PPP2R1A: variants seen among roughly 807,000 people sequenced by gnomAD.
PPP2R1A encodes serine/threonine-protein phosphatase 2A 65 kDa regulatory subunit A alpha isoform.
A neutral mutation model predicts 67.1 loss-of-function variants in PPP2R1A; 15 were observed. The ratio of observed to expected loss-of-function variants is 0.22; its 90% CI spans 0.15 to 0.34. The LOEUF (loss-of-function observed/expected upper bound fraction) is 0.34, where lower values mean the gene tolerates loss of function less well. PPP2R1A is among the 10% of genes least tolerant of loss of function. PPP2R1A has a pLI of 1.00. For missense variants in PPP2R1A, 369 were observed against 775.0 expected (o/e 0.48, Z 6.22); for synonymous variants, 337 against 325.0 (o/e 1.04, Z -0.40).
In PPP2R1A at chr19:52,213,460, T is replaced by G. The variant is rs1049506205; in HGVS notation, c.807+350T>G. ...CAAAAAGGTGGGGTTTTTTGGTGTTTTTTTTTTTTTTTTTTTTTTTTTTTT... is the reference window on the plus strand; with the variant it reads ...CAAAAAGGTGGGGTTTTTTGGTGTTGTTTTTTTTTTTTTTTTTTTTTTTTT... On this transcript the variant is annotated intron_variant, in intron 6 of 14. Transcript: ENST00000322088. The surrounding 1 kb of genome is among the most constrained non-coding windows in gnomAD (Gnocchi z 4.2). Among the ~76,000 whole-genome samples, 14 of 66,634 alleles carry G rather than the reference T, an allele frequency of 2.1e-4. No individual in the cohort carries two copies. The highest frequency in any genetic ancestry group is 1.3e-4 in the Non-Finnish European group (4 of 31,670). The allele number at this position is 66,634 out of a possible 152,430, so 43.7% of individuals were successfully genotyped here.
At chr19:52,220,597 C>G (rs1200755588) in intron 11 of PPP2R1A, among the ~76,000 whole-genome samples, 1 of 152,066 alleles carries the variant, frequency 6.6e-6, no homozygotes, top group Non-Finnish European at 1.5e-5. Flanking sequence ...TATTCTGGTG[C>G]CTTGGGGCCA....
At position 52,211,157 on chromosome 19, in the gene PPP2R1A, G is replaced by C; in HGVS notation, c.271-103G>C. 3 of 1,135,048 alleles carry C rather than the reference G, an allele frequency of 2.6e-6. No individual in the cohort carries two copies. The highest frequency in any genetic ancestry group is 3.8e-6 in the Non-Finnish European group (3 of 799,488). 70.3% of individuals were successfully genotyped at this position (1,135,048 alleles called of 1,614,324 possible). A position where few individuals can be genotyped will look rare whatever the true frequency, so the allele number is the denominator to read the frequency against. On this transcript the variant is annotated intron_variant, in intron 3 of 14. Coordinates refer to ENST00000322088, the MANE Select transcript of PPP2R1A (RefSeq NM_014225.6). The surrounding 1 kb of genome is among the most constrained non-coding windows in gnomAD (Gnocchi z 5.3). Reference sequence around the variant, plus strand: ...GAAGGTCGGGATGGGTAATAGGGAAGTTTTCTCTGAGGAGATGAGCCCATG... The same window carrying C: ...GAAGGTCGGGATGGGTAATAGGGAACTTTTCTCTGAGGAGATGAGCCCATG...
intron 9 of PPP2R1A, among the ~76,000 whole-genome samples, chr19:52,217,414 G>A (rs1216631062): frequency 6.6e-6 from 1 of 152,152 alleles, no homozygotes; most frequent in African/African-American, 2.4e-5. Flanking sequence ...TGCCCAGGTT[G>A]GTCTTGAACT....
At chr19:52,194,369 TGAGGACTAGAC>T (rs2089480174) in intron 1 of PPP2R1A, among the ~76,000 whole-genome samples, 1 of 151,620 alleles carries the variant, frequency 6.6e-6, no homozygotes, top group African/African-American at 2.4e-5. Context: ...TGGTGGGAGG[TGAGGACTAGAC>T]CAGGACTAGA....
rs375142198 is a variant in PPP2R1A, at chr19:52,190,655, A to G, written c.78+481A>G. 4.2e-4 allele frequency among the ~76,000 whole-genome samples: 64 copies of G among 152,220 alleles called. No individual in the cohort carries two copies. In the East Asian group the frequency reaches 0.01, roughly 24 times the overall value. ...GGGGACCGAGAGGCGAAGGCCTGCC[A>G]TCCTAATTCCTGCTCTTCCTCCGCC... is the stretch of plus-strand genomic sequence containing the variant. On this transcript the variant is annotated intron_variant, in intron 1 of 14. Coordinates refer to ENST00000322088, the MANE Select transcript of PPP2R1A (RefSeq NM_014225.6).
intron 2 of PPP2R1A, among the ~76,000 whole-genome samples, chr19:52,204,686 G>T (rs8107377): frequency 6.6e-6 from 1 of 152,138 alleles, no homozygotes; most frequent in Non-Finnish European, 1.5e-5. Flanking sequence ...TTTTAACTGT[G>T]TGCAGAGGGA....
rs139229358 is a variant in PPP2R1A at position 52,211,445 on chromosome 19, C to T, written c.456C>T (p.Ser152=). ...GCACCTCGGCCTGCGGCCTCTTCTC[C>T]GTCTGCTACCCCCGAGTGTCCAGTG... ...TSRTSACGLF[S]VCYPRVSSAV... is the part of the protein sequence containing the mutation. Residue 152 remains serine (S), a synonymous_variant, in exon 4 of 15, where the codon TCC becomes TCT. Coordinates refer to ENST00000322088, the MANE Select transcript of PPP2R1A (RefSeq NM_014225.6). The surrounding 1 kb of genome is among the most constrained non-coding windows in gnomAD (Gnocchi z 5.3). The T allele has an allele frequency of 4.1e-5, 66 of 1,613,808 alleles. No individual in the cohort carries two copies. The highest frequency in any genetic ancestry group is 3.3e-4 in the African/African-American group (25 of 74,946).
chr19:52,204,131 G>T (rs1156773391), intron 2 of PPP2R1A, among the ~76,000 whole-genome samples: 2 of 152,206 alleles, frequency 1.3e-5, no homozygotes, highest in Non-Finnish European at 2.9e-5. Flanking sequence ...ATTTCAGGCT[G>T]TGGGGAGAGG....
At position 52,219,054 on chromosome 19, in the gene PPP2R1A, G is replaced by A. The variant is rs888817679; in HGVS notation, c.1129-637G>A. Among the ~76,000 whole-genome samples, 1 of 152,178 alleles carries A rather than the reference G, an allele frequency of 6.6e-6. No homozygotes were observed. Among genetic ancestry groups the A allele is most frequent in the African/African-American group, 2.4e-5 (1 of 41,434 alleles). On this transcript the variant is annotated intron_variant, in intron 9 of 14. Transcript: ENST00000322088. This position sits in a 1 kb window ranked among gnomAD's most constrained non-coding sequence, Gnocchi z 4.0. ...TGAAAAAGGCTACCTTTTTACTGGT[G>A]CACCAAAAATAAGTCTTTTTAAATG...
At chr19:52,196,317 C>G (rs953505139) in intron 1 of PPP2R1A, among the ~76,000 whole-genome samples, 1 of 152,192 alleles carries the variant, frequency 6.6e-6, no homozygotes, top group Non-Finnish European at 1.5e-5. Flanking sequence ...TAAGAGTTCT[C>G]TTTATTTCTC....
chr19:52,202,468 A>G (rs1195610216), intron 2 of PPP2R1A, among the ~76,000 whole-genome samples: 2 of 152,232 alleles, frequency 1.3e-5, no homozygotes, highest in African/African-American at 2.4e-5. Context: ...GTGAGGATTG[A>G]GTTCATATAA....
In PPP2R1A at chr19:52,224,487, T is replaced by C. The variant is rs1568600324; in HGVS notation, c.1662-1230T>C. Reference sequence around the variant, plus strand: ...CTCATGGCAGAAATCAAGAGTGATTTAGCTCTGTATTCACTCCTAATACAT... The same window carrying C: ...CTCATGGCAGAAATCAAGAGTGATTCAGCTCTGTATTCACTCCTAATACAT... On this transcript the variant is annotated intron_variant, in intron 13 of 14. Coordinates refer to ENST00000322088, the MANE Select transcript of PPP2R1A (RefSeq NM_014225.6). Among the ~76,000 whole-genome samples the C allele has an allele frequency of 2.0e-5, 3 of 152,318 alleles. No individual in the cohort carries two copies. In the East Asian group the frequency reaches 5.8e-4, roughly 29 times the overall value.
At chr19:52,205,614 G>A (rs2089594030) in intron 2 of PPP2R1A, among the ~76,000 whole-genome samples, 2 of 152,198 alleles carry the variant, frequency 1.3e-5, no homozygotes. Context: ...CATGCTCTGC[G>A]CTTTATACAC....
intron 14 of PPP2R1A, 71 bp downstream of exon 14, chr19:52,225,879 G>C: frequency 6.2e-7 from 1 of 1,612,634 alleles, no homozygotes; most frequent in Non-Finnish European, 8.5e-7. Flanking sequence ...CCTGTGGGCA[G>C]CAGCTTCTGG....
chr19:52,209,831 C>T (rs866594083), intron 3 of PPP2R1A, among the ~76,000 whole-genome samples: 13 of 152,252 alleles, frequency 8.5e-5, no homozygotes, highest in African/African-American at 3.1e-4. Context: ...GCATGTGTTA[C>T]ATGAGACTTC....
rs112567491 is a variant in PPP2R1A at position 52,195,605 on chromosome 19, A to G, written c.78+5431A>G. On this transcript the variant is annotated intron_variant, in intron 1 of 14. Transcript: ENST00000322088. ...CAGAACTTCTGATCTACCTGCTTCA[A>G]GTTGGAGTTCCCATGACCACCCTGC... is the stretch of plus-strand genomic sequence containing the variant. Among the ~76,000 whole-genome samples the G allele has an allele frequency of 9.7e-4, 148 of 152,290 alleles. 2 individuals are homozygous for G. The highest frequency in any genetic ancestry group is 3.4e-3 in the African/African-American group (141 of 41,568).
intron 1 of PPP2R1A, among the ~76,000 whole-genome samples, chr19:52,195,343 C>CACTTAACACAACAATCA (rs2089488530): frequency 6.6e-6 from 1 of 152,188 alleles, no homozygotes; most frequent in African/African-American, 2.4e-5. Flanking sequence ...CCTATTCTCT[C>CACTTAACACAACAATCA]ACTTAACACA....
At chr19:52,223,676 T>C (rs1979079843) in intron 13 of PPP2R1A, among the ~76,000 whole-genome samples, 1 of 152,148 alleles carries the variant, frequency 6.6e-6, no homozygotes, top group Non-Finnish European at 1.5e-5. Flanking sequence ...ACTACACGCC[T>C]CCCAGAACAG....
Position 52,226,047 on chromosome 19 carries a change from G to A in PPP2R1A, c.*66G>A. The stretch of plus-strand genomic sequence containing the variant: ...TCCAACCCCCACAAGTCCCTCTTTG[G>A]GGAGACACTGGGGGGCCTTTGGCTG... On this transcript the variant is annotated 3_prime_UTR_variant, in exon 15 of 15. Coordinates refer to ENST00000322088, the MANE Select transcript of PPP2R1A (RefSeq NM_014225.6). The A allele has an allele frequency of 7.4e-6, 12 of 1,611,502 alleles. No individual in the cohort carries two copies. The highest frequency in any genetic ancestry group is 1.3e-5 in the African/African-American group (1 of 75,014).
Sources: gnomAD v4.1 joint callset for allele counts (sites outside exome capture counted in the v4.1 genomes callset) on GRCh38, gnomAD v4.1.1 for gene constraint, Gnocchi (gnomAD v3.1) non-coding constraint, MANE v1.5 for transcripts, NCBI Gene and HGNC (gene_info 2026-07-23, HGNC 2026-07-21) for gene names.